The following CDH13 variants were observed in gnomAD, a reference collection of about 807,000 sequenced individuals.
CDH13 encodes the protein cadherin-13.
Under a neutral mutation model 63.8 loss-of-function variants are expected in CDH13, and 24 were observed. The ratio of observed to expected loss-of-function variants is 0.38; its 90% confidence interval spans 0.27 to 0.53. The LOEUF (loss-of-function observed/expected upper bound fraction) is 0.53, where lower values mean the gene tolerates loss of function less well. Among genes scored for constraint, CDH13 ranks in the 20% least tolerant of loss-of-function variants. The pLI is 0.85. For missense variants in CDH13, 1,049 were observed against 903.1 expected (o/e 1.16, Z -2.07); for synonymous variants, 503 against 355.3 (o/e 1.42, Z -4.67).
intron 3 of CDH13, among the ~76,000 whole-genome samples, chr16:83,064,106 C>T (rs184671595): frequency 8.1e-4 from 123 of 152,282 alleles, no homozygotes; most frequent in African/African-American, 2.9e-3. Flanking sequence ...TGCGGTGGCT[C>T]ATGCCTGTAA....
intron 7 of CDH13, among the ~76,000 whole-genome samples, chr16:83,487,557 T>C (rs1474771743): frequency 6.6e-6 from 1 of 152,204 alleles, no homozygotes; most frequent in Non-Finnish European, 1.5e-5. Flanking sequence ...TAAGCTACTT[T>C]AAGTAGAAGA....
intron 7 of CDH13, among the ~76,000 whole-genome samples, chr16:83,582,263 C>T (rs1382159836): frequency 6.6e-6 from 1 of 152,102 alleles, no homozygotes; most frequent in Non-Finnish European, 1.5e-5. Context: ...TTCTGGGTTA[C>T]ACAACACTTG....
intron 4 of CDH13, among the ~76,000 whole-genome samples, chr16:83,190,328 G>A (rs897630568): frequency 2.0e-5 from 3 of 152,286 alleles, no homozygotes; most frequent in Admixed American, 2.0e-4. Context: ...TGTAAGAAGG[G>A]GTTGGAAAGC....
chr16:83,698,710 T>C (rs1267781864), intron 10 of CDH13, among the ~76,000 whole-genome samples: 2 of 152,236 alleles, frequency 1.3e-5, no homozygotes, highest in Admixed American at 1.3e-4. Flanking sequence ...AACCCCAACC[T>C]TCTTACTTCA....
At chr16:83,149,993 T>C (rs2036907393) in intron 4 of CDH13, among the ~76,000 whole-genome samples, 1 of 152,224 alleles carries the variant, frequency 6.6e-6, no homozygotes, top group African/African-American at 2.4e-5. Flanking sequence ...AAGACTGCTC[T>C]TTCCACTTTA....
intron 1 of CDH13, among the ~76,000 whole-genome samples, chr16:82,753,347 C>T (rs889647180): frequency 3.9e-5 from 6 of 152,200 alleles, no homozygotes; most frequent in African/African-American, 1.4e-4. Flanking sequence ...TCATTTTCCT[C>T]CTACCTCTTC....
intron 2 of CDH13, among the ~76,000 whole-genome samples, chr16:82,983,398 A>T (rs1164576281): frequency 6.6e-6 from 1 of 152,124 alleles, no homozygotes; most frequent in Non-Finnish European, 1.5e-5. Flanking sequence ...TTTGCTCCTC[A>T]GGAGATCTGA....
intron 2 of CDH13, among the ~76,000 whole-genome samples, chr16:82,907,672 T>G (rs1304324493): frequency 1.3e-5 from 2 of 152,190 alleles, no homozygotes; most frequent in Non-Finnish European, 2.9e-5. Flanking sequence ...ATTTTCTGTT[T>G]CCAACTGGAG....
chr16:82,709,765 C>G (rs1293749788), intron 1 of CDH13, among the ~76,000 whole-genome samples: 2 of 152,112 alleles, frequency 1.3e-5, no homozygotes, highest in African/African-American at 4.8e-5. Context: ...TTAGTATCTA[C>G]AGGGTGGGCC....
intron 6 of CDH13, among the ~76,000 whole-genome samples, chr16:83,480,252 G>C (rs543647248): frequency 1.6e-4 from 24 of 152,270 alleles, no homozygotes; most frequent in Non-Finnish European, 2.9e-4. Context: ...GGAGGTCAAG[G>C]CTGCAGTGAG....
rs192291976 is a variant in CDH13 at position 83,312,760 on chromosome 16, A to G, written c.637-32102A>G. ...ACATAAAATAAAACCACAAAAGCTC[A>G]ATCACTTGTCTCTTGCCTCCAAACC... On this transcript the variant is annotated intron_variant, in intron 5 of 13. Coordinates refer to ENST00000567109, the MANE Select transcript of CDH13 (RefSeq NM_001257.5). 2.4e-3 allele frequency among the ~76,000 whole-genome samples: 366 copies of G among 152,314 alleles called. 4 individuals are homozygous for G. Among genetic ancestry groups the G allele is most frequent in the South Asian group, 0.017 (84 of 4,828 alleles).
chr16:83,791,179 C>G (rs909502241), intron 13 of CDH13, among the ~76,000 whole-genome samples: 2 of 152,062 alleles, frequency 1.3e-5, no homozygotes, highest in African/African-American at 4.8e-5. Context: ...AAGCCCCACC[C>G]CATGTCAGCT....
intron 6 of CDH13, among the ~76,000 whole-genome samples, chr16:83,357,625 C>G (rs552604503): frequency 2.0e-5 from 3 of 152,094 alleles, no homozygotes; most frequent in Non-Finnish European, 2.9e-5. Flanking sequence ...GAAGAGGGTA[C>G]AACTGGCATC....
rs771790729 is a variant in CDH13, at chr16:83,678,240, C to A, written c.1317C>A (p.Thr439=). The A allele has an allele frequency of 6.2e-7, 1 of 1,613,592 alleles. No homozygotes were observed. The highest frequency in any genetic ancestry group is 1.3e-5 in the African/African-American group (1 of 74,870). ...ACTATGAAATTTCTGCCTTCCACAC[C>A]CTGCTGATCAAAGTGGAAAATGAAG... ...PLDYEISAFH[T]LLIKVENEDP... is the part of the protein sequence containing the mutation. Residue 439 remains threonine (T), a synonymous_variant, in exon 10 of 14, where the codon ACC becomes ACA. Transcript: ENST00000567109.
chr16:83,538,533 A>C (rs2075238663), intron 7 of CDH13, among the ~76,000 whole-genome samples: 1 of 152,244 alleles, frequency 6.6e-6, no homozygotes, highest in African/African-American at 2.4e-5. Context: ...ACTTGAGAGA[A>C]CATTTGCAAG....
intron 7 of CDH13, among the ~76,000 whole-genome samples, chr16:83,538,456 G>T (rs1030493078): frequency 6.6e-6 from 1 of 152,160 alleles, no homozygotes; most frequent in Non-Finnish European, 1.5e-5. Context: ...AGTCTGAATT[G>T]AAATGACTTT....
intron 2 of CDH13, among the ~76,000 whole-genome samples, chr16:82,943,046 A>T (rs1035197306): frequency 3.3e-5 from 5 of 152,252 alleles, no homozygotes; most frequent in Admixed American, 3.3e-4. Flanking sequence ...GCTCTGCCTT[A>T]GCACTATCAA....
At chr16:83,131,320 A>G (rs762184996) in intron 4 of CDH13, among the ~76,000 whole-genome samples, 2 of 151,160 alleles carry the variant, frequency 1.3e-5, no homozygotes, top group Admixed American at 6.7e-5. Flanking sequence ...TATCTGTCAT[A>G]GTTTTGGAAG....
At chr16:82,919,632 C>G (rs961988136) in intron 2 of CDH13, among the ~76,000 whole-genome samples, 8 of 152,132 alleles carry the variant, frequency 5.3e-5, no homozygotes, top group Non-Finnish European at 2.9e-5. Flanking sequence ...TAGTTTGATT[C>G]CATGTTTATT....
Sources: gnomAD v4.1 joint callset for allele counts (sites outside exome capture counted in the v4.1 genomes callset) on GRCh38, gnomAD v4.1.1 for gene constraint, MANE v1.5 for transcripts, NCBI Gene and HGNC (gene_info 2026-07-23, HGNC 2026-07-21) for gene names.